Variants in LDB2 observed in about 807,000 individuals in gnomAD.
LDB2 encodes the protein LIM domain-binding protein 2.
In LDB2, 12 loss-of-function variants were observed where a neutral mutation model predicts 44.3. The observed-to-expected ratio is 0.27, with a 90% CI of 0.17 to 0.44. The LOEUF (loss-of-function observed/expected upper bound fraction) is 0.44, where lower values mean the gene tolerates loss of function less well. Ranked by LOEUF, LDB2 falls within the 20% of genes least tolerant of loss-of-function variation. LDB2 has a pLI of 1.00. For missense variants in LDB2, 344 were observed against 473.5 expected (o/e 0.73, Z 2.54); for synonymous variants, 164 against 174.8 (o/e 0.94, Z 0.49).
At chr4:16,658,192 G>T (rs959981612) in intron 2 of LDB2, among the ~76,000 whole-genome samples, 8 of 152,292 alleles carry the variant, frequency 5.3e-5, no homozygotes, top group African/African-American at 1.7e-4. Context: ...GATTCCTCTT[G>T]GGCAGGGGCT....
At chr4:16,713,875 C>T (rs370252288) in intron 2 of LDB2, among the ~76,000 whole-genome samples, 46 of 152,200 alleles carry the variant, frequency 3.0e-4, no homozygotes, top group South Asian at 2.9e-3. Context: ...CTGGCTAGGG[C>T]GAGTTGATTC....
At chr4:16,565,365 CATA>C (rs1744119218) in intron 5 of LDB2, among the ~76,000 whole-genome samples, 1 of 151,996 alleles carries the variant, frequency 6.6e-6, no homozygotes, top group South Asian at 2.1e-4. Flanking sequence ...TATATTTACT[CATA>C]ATAATAAAAA....
At chr4:16,621,438 G>A (rs532307069) in intron 2 of LDB2, among the ~76,000 whole-genome samples, 2 of 152,164 alleles carry the variant, frequency 1.3e-5, no homozygotes, top group Non-Finnish European at 2.9e-5. Context: ...GATGTGTGTC[G>A]AGAAGATAAA....
chr4:16,574,801 A>C (rs541531289), intron 5 of LDB2, among the ~76,000 whole-genome samples: 114 of 152,296 alleles, frequency 7.5e-4, no homozygotes, highest in African/African-American at 2.6e-3. Context: ...TCTAATCTTC[A>C]TGCCAAACTT....
chr4:16,754,394 C>A (rs1336627728), intron 2 of LDB2, among the ~76,000 whole-genome samples: 1 of 152,200 alleles, frequency 6.6e-6, no homozygotes, highest in East Asian at 1.9e-4. Context: ...CTTTTCAATG[C>A]ATAGAAGCTA....
intron 1 of LDB2, among the ~76,000 whole-genome samples, chr4:16,849,964 A>G (rs546790372): frequency 1.1e-4 from 17 of 152,342 alleles, no homozygotes; most frequent in Admixed American, 3.3e-4. Flanking sequence ...ACTTTTAACA[A>G]TCCCCAGGAA....
At chr4:16,813,805 G>A (rs1177156747) in intron 1 of LDB2, among the ~76,000 whole-genome samples, 1 of 151,748 alleles carries the variant, frequency 6.6e-6, no homozygotes, top group East Asian at 1.9e-4. Flanking sequence ...ATATCTGTTT[G>A]TTTTGTTCGT....
At chr4:16,692,044 C>G (rs1441185530) in intron 2 of LDB2, among the ~76,000 whole-genome samples, 1 of 152,034 alleles carries the variant, frequency 6.6e-6, no homozygotes, top group Non-Finnish European at 1.5e-5. Context: ...TTGGTGACAT[C>G]CTGAGAACCA....
chr4:16,785,180 G>A (rs1351958541), intron 1 of LDB2, among the ~76,000 whole-genome samples: 1 of 151,600 alleles, frequency 6.6e-6, no homozygotes, highest in African/African-American at 2.4e-5. Context: ...AAATTCTCTC[G>A]GTGACCCAAA....
chr4:16,862,254 T>A (rs1050891623), intron 1 of LDB2, among the ~76,000 whole-genome samples: 3 of 151,294 alleles, frequency 2.0e-5, no homozygotes, highest in Non-Finnish European at 4.4e-5. Flanking sequence ...CAATTTTTTT[T>A]TTTTATTTTT....
chr4:16,566,466 G>C (rs956787264), intron 5 of LDB2, among the ~76,000 whole-genome samples: 1 of 151,536 alleles, frequency 6.6e-6, no homozygotes, highest in Admixed American at 6.6e-5. Flanking sequence ...AATAGTGTTT[G>C]GGCAACTGAG....
chr4:16,739,402 A>G (rs1762498195), intron 2 of LDB2, among the ~76,000 whole-genome samples: 1 of 149,660 alleles, frequency 6.7e-6, no homozygotes, highest in Non-Finnish European at 1.5e-5. Flanking sequence ...ACCTGGCCAA[A>G]TGGTGAAATC....
At chr4:16,536,466 C>T (rs62296896) in intron 5 of LDB2, among the ~76,000 whole-genome samples, 17,088 of 152,172 alleles carry the variant, frequency 0.11, 1,100 homozygotes, top group East Asian at 0.24. Context: ...CTGCTACTGT[C>T]CAGAGAAGTT....
chr4:16,719,647 A>T (rs1757828518), intron 2 of LDB2, among the ~76,000 whole-genome samples: 2 of 152,094 alleles, frequency 1.3e-5, no homozygotes, highest in African/African-American at 4.8e-5. Context: ...CATGTGTTGG[A>T]AATTTAACCA....
At chr4:16,817,147 C>T (rs903607473) in intron 1 of LDB2, among the ~76,000 whole-genome samples, 2 of 152,186 alleles carry the variant, frequency 1.3e-5, no homozygotes, top group Non-Finnish European at 2.9e-5. Flanking sequence ...AACTAAAATG[C>T]TTCAAAACAT....
intron 5 of LDB2, among the ~76,000 whole-genome samples, chr4:16,546,316 G>T (rs1318294277): frequency 1.3e-5 from 2 of 152,144 alleles, no homozygotes; most frequent in Non-Finnish European, 2.9e-5. Flanking sequence ...ACAACTTCTG[G>T]ACGAATTCTA....
At position 16,726,615 on chromosome 4, in the gene LDB2, T is replaced by G. The variant is rs1291184035; in HGVS notation, c.235+32543A>C. The G allele has an allele frequency of 2.6e-5, 4 of 152,316 alleles. No individual in the cohort carries two copies. In the East Asian group the frequency reaches 7.7e-4, roughly 29 times the overall value. The allele number at this position is 152,316 out of a possible 1,614,324, so 9.4% of individuals were successfully genotyped here. A position where few individuals can be genotyped will look rare whatever the true frequency, so the allele number is the denominator to read the frequency against. On this transcript the variant is annotated intron_variant, in intron 2 of 7. Transcript: ENST00000304523. The stretch of plus-strand genomic sequence containing the variant: ...CGTTCATGTGCGTTAAGTAAAATGC[T>G]GACAACGAAAAGCTGTTTAAGCCAC...
intron 2 of LDB2, among the ~76,000 whole-genome samples, chr4:16,629,722 C>T (rs1048490221): frequency 6.6e-6 from 1 of 151,960 alleles, no homozygotes; most frequent in East Asian, 1.9e-4. Context: ...ACTAGAATAA[C>T]CAGTGTACAG....
At chr4:16,528,348 A>C (rs1370420363) in intron 5 of LDB2, among the ~76,000 whole-genome samples, 1 of 152,210 alleles carries the variant, frequency 6.6e-6, no homozygotes, top group Non-Finnish European at 1.5e-5. Context: ...GTTCTTCAAA[A>C]ACCTATGGAA....
Sources: allele counts gnomAD v4.1 joint callset (sites outside exome capture counted in the v4.1 genomes callset), GRCh38; gene constraint gnomAD v4.1.1; transcripts MANE v1.5; gene names NCBI Gene and HGNC (gene_info 2026-07-23, HGNC 2026-07-21).